Variants in ITGA9 observed in about 807,000 individuals in gnomAD.
The protein encoded by ITGA9 is integrin subunit alpha 9.
Under a neutral mutation model 127.8 loss-of-function variants are expected in ITGA9, and 56 were observed. The observed-to-expected ratio is 0.44, with a 90% CI of 0.35 to 0.55. ITGA9 has a LOEUF of 0.55. Ranked by LOEUF, ITGA9 falls within the 20% of genes least tolerant of loss-of-function variation. The probability of loss-of-function intolerance (pLI) is 0.00; values close to 1 mark genes in which losing one functional copy is unlikely to be tolerated. For missense variants in ITGA9, 1,196 were observed against 1,347.1 expected, an observed-to-expected ratio of 0.89 and a Z score of 1.76; for synonymous variants, 508 against 514.5, an observed-to-expected ratio of 0.99 and a Z score of 0.17.
intron 15 of ITGA9, among the ~76,000 whole-genome samples, chr3:37,550,020 G>A (rs899312951): frequency 6.6e-6 from 1 of 152,194 alleles, no homozygotes; most frequent in African/African-American, 2.4e-5. Context: ...AGTATGTGCT[G>A]GTTACTGTGA....
At chr3:37,725,701 C>A (rs1696182024) in intron 18 of ITGA9, among the ~76,000 whole-genome samples, 1 of 152,210 alleles carries the variant, frequency 6.6e-6, no homozygotes, top group Non-Finnish European at 1.5e-5. Flanking sequence ...CACTACCTGG[C>A]ACACAGTAAA....
intron 13 of ITGA9, among the ~76,000 whole-genome samples, chr3:37,530,518 CCA>C (rs1553644432): frequency 6.6e-6 from 1 of 152,018 alleles, no homozygotes; most frequent in Non-Finnish European, 1.5e-5. Context: ...ATAGGTGGCC[CCA>C]GGGCTGGCTT....
chr3:37,819,273 A>G lies in ITGA9; in HGVS notation c.*284A>G. 1 of 491,810 alleles carries G rather than the reference A, an allele frequency of 2.0e-6. No homozygotes were observed. Among genetic ancestry groups the G allele is most frequent in the Non-Finnish European group, 3.7e-6 (1 of 273,654 alleles). The allele number at this position is 491,810 out of a possible 1,614,324, so 30.5% of individuals were successfully genotyped here. ...GATGCAACACGCATGGTCAACCCTCAGGGGAAAACTGTTACCTAAAGTATT... is the reference window on the plus strand; with the variant it reads ...GATGCAACACGCATGGTCAACCCTCGGGGGAAAACTGTTACCTAAAGTATT... On this transcript the variant is annotated 3_prime_UTR_variant, in exon 28 of 28. Coordinates refer to ENST00000264741, the MANE Select transcript of ITGA9 (RefSeq NM_002207.3).
chr3:37,754,174 C>T (rs1214374055), intron 23 of ITGA9: 1 of 152,164 alleles, frequency 6.6e-6, no homozygotes, highest in East Asian at 1.9e-4. Flanking sequence ...AGCTTCATGG[C>T]TTATGAAGGG....
chr3:37,663,708 C>T (rs1700559523), intron 17 of ITGA9, among the ~76,000 whole-genome samples: 1 of 152,160 alleles, frequency 6.6e-6, no homozygotes, highest in Admixed American at 6.5e-5. Context: ...AAGGGAAAGA[C>T]ACCCTTGTTT....
chr3:37,798,260 G>T (rs1301317008), intron 26 of ITGA9, among the ~76,000 whole-genome samples: 1 of 152,152 alleles, frequency 6.6e-6, no homozygotes, highest in Non-Finnish European at 1.5e-5. Flanking sequence ...AGAGTGCTGG[G>T]ATTATAGGCA....
intron 15 of ITGA9, among the ~76,000 whole-genome samples, chr3:37,559,676 G>A (rs1390713126): frequency 6.6e-6 from 1 of 152,170 alleles, no homozygotes; most frequent in East Asian, 1.9e-4. Context: ...AAGAATGAGG[G>A]AATGACTCAA....
intron 15 of ITGA9, among the ~76,000 whole-genome samples, chr3:37,617,139 C>G (rs974232662): frequency 5.9e-5 from 9 of 152,206 alleles, no homozygotes; most frequent in African/African-American, 2.2e-4. Context: ...CCTTCAGGAG[C>G]TCTTTTAGGG....
At chr3:37,660,003 C>G (rs1032389232) in intron 17 of ITGA9, among the ~76,000 whole-genome samples, 1 of 149,182 alleles carries the variant, frequency 6.7e-6, no homozygotes, top group Admixed American at 6.6e-5. Context: ...CACACACACA[C>G]GCACACACAC....
intron 4 of ITGA9, among the ~76,000 whole-genome samples, chr3:37,485,421 G>T (rs1698599247): frequency 6.6e-6 from 1 of 151,872 alleles, no homozygotes; most frequent in African/African-American, 2.4e-5. Context: ...CTGCACTTCT[G>T]CCCCTTTAGC....
chr3:37,499,237 G>A (rs957960619), intron 5 of ITGA9, among the ~76,000 whole-genome samples: 2 of 152,372 alleles, frequency 1.3e-5, no homozygotes, highest in East Asian at 1.9e-4. Context: ...CTGGGCTGGC[G>A]TTCACGCCTG....
At chr3:37,607,571 T>G (rs965872892) in intron 15 of ITGA9, among the ~76,000 whole-genome samples, 1 of 152,070 alleles carries the variant, frequency 6.6e-6, no homozygotes, top group African/African-American at 2.4e-5. Context: ...CCTCTCAGAT[T>G]AAGGCACCAG....
At chr3:37,676,786 C>T (rs1013935847) in intron 17 of ITGA9, among the ~76,000 whole-genome samples, 4 of 152,204 alleles carry the variant, frequency 2.6e-5, no homozygotes, top group Non-Finnish European at 4.4e-5. Context: ...TGGATGTGCC[C>T]TACACATATC....
intron 17 of ITGA9, among the ~76,000 whole-genome samples, chr3:37,674,198 G>A (rs1485543403): frequency 6.6e-6 from 1 of 152,194 alleles, no homozygotes; most frequent in East Asian, 1.9e-4. Flanking sequence ...CCCCCAGACT[G>A]GCACTTTGAA....
chr3:37,552,821 C>A (rs748264183), intron 15 of ITGA9, among the ~76,000 whole-genome samples: 2 of 152,052 alleles, frequency 1.3e-5, no homozygotes, highest in Non-Finnish European at 2.9e-5. Flanking sequence ...TCAAGACCAG[C>A]CTGGCCAACA....
At chr3:37,793,411 C>T (rs1202717532) in intron 26 of ITGA9, among the ~76,000 whole-genome samples, 1 of 151,528 alleles carries the variant, frequency 6.6e-6, no homozygotes, top group African/African-American at 2.4e-5. Flanking sequence ...CACACACACA[C>T]ACACACACAC....
At chr3:37,752,196 A>AC (rs1696595066) in intron 23 of ITGA9, among the ~76,000 whole-genome samples, 1 of 152,204 alleles carries the variant, frequency 6.6e-6, no homozygotes, top group African/African-American at 2.4e-5. Flanking sequence ...GAGAATGCTC[A>AC]CTGGGTCAGG....
intron 18 of ITGA9, among the ~76,000 whole-genome samples, chr3:37,696,932 A>G (rs1700890949): frequency 6.6e-6 from 1 of 152,188 alleles, no homozygotes; most frequent in Non-Finnish European, 1.5e-5. Flanking sequence ...CGGGGTCAGG[A>G]TATGCATTTT....
At chr3:37,774,866 T>C (rs964851382) in intron 23 of ITGA9, among the ~76,000 whole-genome samples, 1 of 152,266 alleles carries the variant, frequency 6.6e-6, no homozygotes, top group Admixed American at 6.5e-5. Context: ...CTTCACCTTA[T>C]TTATTTTCAG....
Sources: allele counts gnomAD v4.1 joint callset (sites outside exome capture counted in the v4.1 genomes callset), GRCh38; gene constraint gnomAD v4.1.1; transcripts MANE v1.5; gene names NCBI Gene and HGNC (gene_info 2026-07-23, HGNC 2026-07-21).